Variants in ANO10 observed in about 807,000 individuals in gnomAD.
The protein encoded by ANO10 is anoctamin 10.
In ANO10, 77 loss-of-function variants were observed where a neutral mutation model predicts 74.7. That is an observed-to-expected ratio of 1.03 (90% CI 0.86 to 1.25). The LOEUF is 1.25. ANO10 is among the 50% of genes most tolerant of loss of function. The pLI, the probability that ANO10 is intolerant of heterozygous loss-of-function variation, is 0.00. For synonymous variants in ANO10, 279 were observed against 284.9 expected (o/e 0.98, Z 0.21); for missense variants, 721 against 778.1 (o/e 0.93, Z 0.87).
intron 1 of ANO10, chr3:43,636,478 G>C (rs1399447048): frequency 1.3e-5 from 2 of 152,242 alleles, no homozygotes; most frequent in African/African-American, 4.8e-5. Context: ...GTCATTTCAG[G>C]GCCGAGAGAG....
At chr3:43,439,435 C>G (rs998545917) in intron 11 of ANO10, among the ~76,000 whole-genome samples, 1 of 149,810 alleles carries the variant, frequency 6.7e-6, no homozygotes, top group Admixed American at 6.7e-5. Context: ...AACACAACAG[C>G]ATAAGAAAAA....
intron 1 of ANO10, chr3:43,691,395 G>A (rs2084379146): frequency 5.4e-6 from 1 of 186,774 alleles, no homozygotes; most frequent in East Asian, 1.4e-4. Flanking sequence ...TCTGCCAAGG[G>A]ACCCGGCCTG....
At position 43,600,559 on chromosome 3, in the gene ANO10, T is replaced by C. The variant is rs927451018; in HGVS notation, c.162A>G (p.Pro54=). The C allele has an allele frequency of 9.9e-6, 16 of 1,612,592 alleles. No individual in the cohort carries two copies. The African/African-American group carries it at 1.6e-4, about 16-fold the overall frequency. Residue 54 remains proline, a synonymous_variant, in exon 3 of 13, where the codon CCA becomes CCG. Transcript: ENST00000292246. Reference sequence around the variant, plus strand: ...TTTCTTGTTCATATTTATTTAACAATGGTCTAAACAACAACTGGGCACCTT... The same window carrying C: ...TTTCTTGTTCATATTTATTTAACAACGGTCTAAACAACAACTGGGCACCTT... ...KDGGAQLLFR[P]LLNKYEQETL...
chr3:43,541,639 CATT>C (rs1467833251), intron 11 of ANO10, among the ~76,000 whole-genome samples: 1 of 152,140 alleles, frequency 6.6e-6, no homozygotes, highest in African/African-American at 2.4e-5. Context: ...ATATATGACT[CATT>C]CATTAATTAA....
rs535086940 is a variant in ANO10 at position 43,564,614 on chromosome 3, C to A, written c.1293+1039G>T. Among the ~76,000 whole-genome samples, 3 of 152,218 alleles carry A rather than the reference C, an allele frequency of 2.0e-5. No individual in the cohort carries two copies. In the East Asian group the frequency reaches 5.8e-4, roughly 29 times the overall value. On this transcript the variant is annotated intron_variant, in intron 8 of 12. Transcript: ENST00000292246. ...AAAATTCTTTTTTACTTGGCCTGTA[C>A]ACTGCTGTTGAATTAACTATTACTC... is the stretch of plus-strand genomic sequence containing the variant.
chr3:43,383,168 C>T (rs549514466), intron 12 of ANO10, among the ~76,000 whole-genome samples: 326 of 152,104 alleles, frequency 2.1e-3, no homozygotes, highest in South Asian at 8.1e-3. Flanking sequence ...AAAAGATAAT[C>T]CATGGCCGGG....
intron 4 of ANO10, among the ~76,000 whole-genome samples, chr3:43,593,936 A>G (rs1452374647): frequency 6.6e-6 from 1 of 152,192 alleles, no homozygotes; most frequent in Non-Finnish European, 1.5e-5. Flanking sequence ...CAAATGGAAA[A>G]CAAAAACAAG....
intron 12 of ANO10, among the ~76,000 whole-genome samples, chr3:43,420,318 C>T (rs2092800863): frequency 1.3e-5 from 2 of 151,956 alleles, no homozygotes; most frequent in Non-Finnish European, 2.9e-5. Context: ...TGGTGGCGCA[C>T]ACCTGTAGTC....
chr3:43,507,446 G>T (rs2077337220), intron 11 of ANO10, among the ~76,000 whole-genome samples: 3 of 152,154 alleles, frequency 2.0e-5, no homozygotes, highest in Admixed American at 2.0e-4. Flanking sequence ...TCAACATGCA[G>T]CTGGGTCAAG....
At chr3:43,590,180 C>T (rs1472438489) in intron 4 of ANO10, among the ~76,000 whole-genome samples, 1 of 152,144 alleles carries the variant, frequency 6.6e-6, no homozygotes, top group East Asian at 1.9e-4. Context: ...TGAAAAGAAT[C>T]ATTTAGATGT....
intron 11 of ANO10, among the ~76,000 whole-genome samples, chr3:43,529,561 C>T (rs1431792360): frequency 6.6e-6 from 1 of 151,992 alleles, no homozygotes; most frequent in East Asian, 1.9e-4. Context: ...TGACTGATGG[C>T]AAGCAACAAA....
At chr3:43,616,899 C>T (rs552911251) in intron 1 of ANO10, among the ~76,000 whole-genome samples, 1 of 151,836 alleles carries the variant, frequency 6.6e-6, no homozygotes, top group South Asian at 2.1e-4. Context: ...CTGGGGATCC[C>T]CTCTCTTTGG....
intron 11 of ANO10, among the ~76,000 whole-genome samples, chr3:43,460,581 C>T (rs2075334171): frequency 6.6e-6 from 1 of 152,274 alleles, no homozygotes; most frequent in South Asian, 2.1e-4. Context: ...CTTGGAAAAC[C>T]TCACCCATAT....
intron 12 of ANO10, among the ~76,000 whole-genome samples, chr3:43,416,255 A>G (rs2092737336): frequency 6.6e-6 from 1 of 152,220 alleles, no homozygotes; most frequent in African/African-American, 2.4e-5. Context: ...AGCAACTTGG[A>G]TGAAGACCTG....
chr3:43,393,917 C>A (rs2092326576), intron 12 of ANO10, among the ~76,000 whole-genome samples: 2 of 152,246 alleles, frequency 1.3e-5, no homozygotes, highest in Middle Eastern at 3.4e-3. Context: ...CACCTCAAGA[C>A]CCCCTCTACC....
intron 4 of ANO10, among the ~76,000 whole-genome samples, chr3:43,581,974 A>G (rs1016703864): frequency 2.6e-5 from 4 of 151,864 alleles, no homozygotes; most frequent in African/African-American, 9.7e-5. Flanking sequence ...TTAAGAAAGG[A>G]TGCTTTGCTG....
At chr3:43,480,635 G>C (rs2076230807) in intron 11 of ANO10, among the ~76,000 whole-genome samples, 1 of 152,184 alleles carries the variant, frequency 6.6e-6, no homozygotes, top group Non-Finnish European at 1.5e-5. Flanking sequence ...CAAGAAAGGG[G>C]TGGTAAACGA....
At chr3:43,659,963 GCA>G in intron 1 of ANO10, among the ~76,000 whole-genome samples, 1 of 152,310 alleles carries the variant, frequency 6.6e-6, no homozygotes, top group Non-Finnish European at 1.5e-5. Context: ...TGGACATCCA[GCA>G]GATGTCCACA....
intron 2 of ANO10, among the ~76,000 whole-genome samples, chr3:43,601,315 C>T (rs2082329280): frequency 6.6e-6 from 1 of 152,160 alleles, no homozygotes; most frequent in Non-Finnish European, 1.5e-5. Flanking sequence ...AGGAGATCCT[C>T]CCACCTTTGC....
Sources: gnomAD v4.1 joint callset for allele counts (sites outside exome capture counted in the v4.1 genomes callset) on GRCh38, gnomAD v4.1.1 for gene constraint, MANE v1.5 for transcripts, NCBI Gene and HGNC (gene_info 2026-07-23, HGNC 2026-07-21) for gene names.